TJP1: variants seen among roughly 807,000 people sequenced by gnomAD.
TJP1 encodes tight junction protein ZO-1.
TJP1 carries 43 observed loss-of-function variants against 194.2 expected under a neutral mutation model. The ratio of observed to expected loss-of-function variants is 0.22; its 90% confidence interval spans 0.17 to 0.29. TJP1 has a LOEUF of 0.29. TJP1 is among the 10% of genes least tolerant of loss of function. The probability of loss-of-function intolerance (pLI) is 1.00; values close to 1 mark genes in which losing one functional copy is unlikely to be tolerated. For synonymous variants in TJP1, 801 were observed against 779.0 expected (o/e 1.03, Z -0.47); for missense variants, 1,971 against 2,185.7 (o/e 0.90, Z 1.96).
chr15:29,952,122 A>T (rs959597877), intron 2 of TJP1, among the ~76,000 whole-genome samples: 3 of 152,156 alleles, frequency 2.0e-5, no homozygotes, highest in Non-Finnish European at 4.4e-5. Context: ...TTTCATATTG[A>T]TTGTTATATG....
intron 8 of TJP1, among the ~76,000 whole-genome samples, chr15:29,747,407 G>T (rs542275239): frequency 6.6e-6 from 1 of 152,232 alleles, no homozygotes; most frequent in African/African-American, 2.4e-5. Context: ...TCCCCAAATT[G>T]TGCTGTGCTC....
At chr15:29,896,175 G>C (rs2053471098) in intron 2 of TJP1, among the ~76,000 whole-genome samples, 1 of 152,160 alleles carries the variant, frequency 6.6e-6, no homozygotes, top group Admixed American at 6.5e-5. Context: ...ATCTTGAATT[G>C]TAACTCCCAC....
chr15:29,824,241 C>T (rs999361518), upstream of TJP1, among the ~76,000 whole-genome samples: 7 of 150,912 alleles, frequency 4.6e-5, no homozygotes, highest in African/African-American at 1.7e-4. Flanking sequence ...GTCAGGAGTT[C>T]GAAACCAGCC....
intron 2 of TJP1, among the ~76,000 whole-genome samples, chr15:29,832,977 C>T (rs785445): frequency 0.87 from 132,252 of 152,182 alleles, 57,570 homozygotes; most frequent in Admixed American, 0.89. Flanking sequence ...TGGGCCACCC[C>T]AGCACACATC....
chr15:29,802,596 C>A (rs1403232128), intron 1 of TJP1, among the ~76,000 whole-genome samples: 1 of 150,652 alleles, frequency 6.6e-6, no homozygotes, highest in Non-Finnish European at 1.5e-5. Flanking sequence ...AAACATTGAC[C>A]GGGATAATGC....
intron 2 of TJP1, among the ~76,000 whole-genome samples, chr15:29,795,290 G>A (rs930958586): frequency 5.9e-5 from 9 of 151,864 alleles, no homozygotes; most frequent in Admixed American, 1.3e-4. Flanking sequence ...CAGGCTGGTG[G>A]TGCATGCTTA....
At chr15:29,928,822 GT>G in intron 2 of TJP1, among the ~76,000 whole-genome samples, 1 of 151,896 alleles carries the variant, frequency 6.6e-6, no homozygotes, top group Non-Finnish European at 1.5e-5. Context: ...GGCGCCTGTA[GT>G]CCCAGCTACT....
chr15:29,750,269 C>T lies in TJP1; in HGVS notation c.1011-7488G>A, dbSNP rs182935373. On this transcript the variant is annotated intron_variant, in intron 8 of 27. Transcript: ENST00000614355. ...CAGCCCGCCTCAGCCTCCCAAAGTG[C>T]TGGGATTACAGGCGTGAGCCACCAC... Among the ~76,000 whole-genome samples the T allele has an allele frequency of 7.9e-4, 120 of 152,190 alleles. 1 individual carries two copies. In the East Asian group the frequency reaches 0.021, roughly 26 times the overall value.
chr15:29,822,035 T>G lies in TJP1; in HGVS notation c.-7A>C. On this transcript the variant is annotated 5_prime_UTR_variant, in exon 1 of 28. Coordinates refer to ENST00000614355, the MANE Select transcript of TJP1 (RefSeq NM_001330239.4). ...CCGCAGCTCTGGCGGACATCTTGTCTCTCTCCAGCGCCGCGCGAGGCTCCT... is the reference window on the plus strand; with the variant it reads ...CCGCAGCTCTGGCGGACATCTTGTCGCTCTCCAGCGCCGCGCGAGGCTCCT... 7.4e-7 allele frequency: 1 copy of G among 1,348,444 alleles called. No individual in the cohort carries two copies. Among genetic ancestry groups the G allele is most frequent in the Non-Finnish European group, 9.6e-7 (1 of 1,046,802 alleles). 83.5% of individuals were successfully genotyped at this position (1,348,444 alleles called of 1,614,324 possible). A position where few individuals can be genotyped will look rare whatever the true frequency, so the allele number is the denominator to read the frequency against.
At chr15:29,960,920 T>G (rs2056132395) in intron 1 of TJP1, among the ~76,000 whole-genome samples, 1 of 152,166 alleles carries the variant, frequency 6.6e-6, no homozygotes, top group Non-Finnish European at 1.5e-5. Context: ...ATGCAGAATA[T>G]TAACTCTGGT....
chr15:29,844,093 G>T (rs2051324211), intron 2 of TJP1, among the ~76,000 whole-genome samples: 2 of 152,166 alleles, frequency 1.3e-5, no homozygotes, highest in African/African-American at 4.8e-5. Context: ...CGCCCAGGCT[G>T]GAGCCTTGAG....
At chr15:29,905,889 G>C (rs1259259163) in intron 2 of TJP1, among the ~76,000 whole-genome samples, 1 of 152,158 alleles carries the variant, frequency 6.6e-6, no homozygotes, top group Non-Finnish European at 1.5e-5. Flanking sequence ...GGAGCACAGA[G>C]GGTTTCTAGG....
intron 2 of TJP1, among the ~76,000 whole-genome samples, chr15:29,932,388 G>A (rs1395799271): frequency 6.6e-6 from 1 of 152,128 alleles, no homozygotes; most frequent in Non-Finnish European, 1.5e-5. Context: ...TGGAAAGGAT[G>A]AAACACCCAA....
intron 2 of TJP1, among the ~76,000 whole-genome samples, chr15:29,914,396 C>T (rs1038816733): frequency 1.1e-4 from 17 of 152,114 alleles, no homozygotes; most frequent in African/African-American, 3.6e-4. Flanking sequence ...AAGAGCTGCA[C>T]CCCCACCTCA....
chr15:29,902,440 A>T (rs955369850), intron 2 of TJP1, among the ~76,000 whole-genome samples: 2 of 152,178 alleles, frequency 1.3e-5, no homozygotes, highest in South Asian at 4.1e-4. Context: ...TTCATTTTTT[A>T]AAAAAACTTT....
intron 2 of TJP1, among the ~76,000 whole-genome samples, chr15:29,780,629 A>G (rs1016787563): frequency 2.0e-5 from 3 of 152,176 alleles, no homozygotes; most frequent in African/African-American, 7.2e-5. Context: ...TAGCAGAATA[A>G]CATCTCTGCA....
intron 2 of TJP1, among the ~76,000 whole-genome samples, chr15:29,949,233 C>A (rs1320852331): frequency 9.8e-6 from 1 of 101,664 alleles, no homozygotes; most frequent in African/African-American, 5.0e-5. Flanking sequence ...TTCACCACCA[C>A]TACCTCCACC....
intron 13 of TJP1, 124 bp from the exon 14 acceptor site, chr15:29,732,939 A>G: frequency 8.0e-7 from 1 of 1,253,212 alleles, no homozygotes; most frequent in Non-Finnish European, 1.1e-6. Context: ...CTTAATGGTT[A>G]TAATAAAGAG....
intron 20 of TJP1, 105 bp from the exon 21 acceptor site, chr15:29,719,243 G>GT: frequency 7.7e-7 from 1 of 1,300,256 alleles, no homozygotes; most frequent in Non-Finnish European, 1.0e-6. Context: ...TGTGAAAATG[G>GT]TATGTTTTAC....
Sources: allele counts gnomAD v4.1 joint callset (sites outside exome capture counted in the v4.1 genomes callset), GRCh38; gene constraint gnomAD v4.1.1; transcripts MANE v1.5; gene names NCBI Gene and HGNC (gene_info 2026-07-23, HGNC 2026-07-21).